The following ATG7 variants were observed in gnomAD, a reference collection of about 807,000 sequenced individuals.
ATG7 encodes autophagy related 7, also known as ubiquitin-like modifier-activating enzyme ATG7.
In ATG7, 70 loss-of-function variants were observed where a neutral mutation model predicts 82.4. The ratio of observed to expected loss-of-function variants is 0.85; its 90% CI spans 0.70 to 1.04. ATG7 has a LOEUF of 1.04. Among genes scored for constraint, ATG7 ranks in the 50% least tolerant of loss-of-function variants. The probability of loss-of-function intolerance (pLI) is 0.00; values close to 1 mark genes in which losing one functional copy is unlikely to be tolerated. For synonymous variants in ATG7, 287 were observed against 313.0 expected (o/e 0.92, Z 0.88); for missense variants, 792 against 864.3 (o/e 0.92, Z 1.05).
chr3:11,375,775 G>A (rs955130026), intron 18 of ATG7, among the ~76,000 whole-genome samples: 22 of 152,166 alleles, frequency 1.4e-4, no homozygotes, highest in African/African-American at 5.3e-4. Context: ...TGCCAGGCTG[G>A]TCTTGAATTC....
chr3:11,348,573 G>A (rs543234689), intron 14 of ATG7: 2 of 152,650 alleles, frequency 1.3e-5, no homozygotes, highest in South Asian at 2.1e-4. Context: ...ATGAAGCCAC[G>A]GACGTTCGCA....
chr3:11,297,893 C>T (rs1946201171), intron 3 of ATG7, among the ~76,000 whole-genome samples: 1 of 151,954 alleles, frequency 6.6e-6, no homozygotes, highest in African/African-American at 2.4e-5. Context: ...GTGTCTGTGT[C>T]GAAGAAGGAA....
At chr3:11,275,563 C>A (rs1941588554) in intron 1 of ATG7, among the ~76,000 whole-genome samples, 1 of 138,146 alleles carries the variant, frequency 7.2e-6, no homozygotes, top group South Asian at 2.3e-4. Flanking sequence ...TTTCACTGTG[C>A]TAGCCAGGAT....
Position 11,333,032 on chromosome 3 carries a change from G to C in ATG7, c.828G>C (p.Ala276=). 1.3e-6 allele frequency: 2 copies of C among 1,576,432 alleles called. No individual in the cohort carries two copies. The highest frequency in any genetic ancestry group is 8.6e-7 in the Non-Finnish European group (1 of 1,160,694). ...TCCGTGACCGTACCATGCAGGGGGC[G>C]AGAGACGTTGCCCACAGCATCATCT... is the stretch of plus-strand genomic sequence containing the variant. ...VCFRDRTMQG[A]RDVAHSIIFE... The change falls in exon 11 of 21, where the codon GCG becomes GCC. Residue 276 remains alanine (A), a synonymous_variant. Coordinates refer to ENST00000693202, the MANE Select transcript of ATG7 (RefSeq NM_001349232.2).
At chr3:11,570,360 C>T in the ATG7 span, among the ~76,000 whole-genome samples, 2 of 152,172 alleles carry the variant, frequency 1.3e-5, no homozygotes, top group Non-Finnish European at 2.9e-5. Flanking sequence ...AGGAGCAGTG[C>T]GGAGATGCCG....
chr3:11,568,990 A>C, the ATG7 span: 25 of 1,103,130 alleles, frequency 2.3e-5, no homozygotes, highest in African/African-American at 3.3e-5. This position sits in a 1 kb window ranked among gnomAD's most constrained non-coding sequence, Gnocchi z 5.9. Flanking sequence ...GGCCTACAAC[A>C]CCATCATCCA....
At chr3:11,426,013 A>G (rs774353779) in intron 19 of ATG7, among the ~76,000 whole-genome samples, 1 of 152,098 alleles carries the variant, frequency 6.6e-6, no homozygotes, top group Admixed American at 6.5e-5. Context: ...TGTTCATTCT[A>G]CTGTTGATGG....
intron 19 of ATG7, among the ~76,000 whole-genome samples, chr3:11,389,069 G>A (rs1436025226): frequency 2.0e-5 from 3 of 151,746 alleles, no homozygotes; most frequent in South Asian, 2.1e-4. Context: ...CCAACATGGC[G>A]AAACCCTGTC....
rs137999283 is a variant in ATG7 at position 11,544,328 on chromosome 3, T to C, written c.2080-10483T>C. On this transcript the variant is annotated intron_variant, in intron 20 of 20. Coordinates refer to ENST00000693202, the MANE Select transcript of ATG7 (RefSeq NM_001349232.2). ...GTATGGCTGCAAAAGCAGACCTGGG[T>C]CCAGCAAGGGAAATGGTTAACCCGT... Among the ~76,000 whole-genome samples the C allele has an allele frequency of 6.4e-4, 98 of 152,200 alleles. No homozygotes were observed. The East Asian group carries it at 0.017, about 26-fold the overall frequency.
At chr3:11,554,617 G>A (rs1375596124) in intron 20 of ATG7, among the ~76,000 whole-genome samples, 194 bp from the exon 21 acceptor site, 1 of 152,172 alleles carries the variant, frequency 6.6e-6, no homozygotes, top group Non-Finnish European at 1.5e-5. Flanking sequence ...CCACCAGGTG[G>A]TTCACACACT....
At chr3:11,508,891 C>G (rs573682243) in intron 20 of ATG7, among the ~76,000 whole-genome samples, 10 of 152,338 alleles carry the variant, frequency 6.6e-5, no homozygotes, top group African/African-American at 2.2e-4. Flanking sequence ...TCTGCACTTA[C>G]AAAACTAATA....
chr3:11,372,259 T>G (rs181124485), intron 18 of ATG7, among the ~76,000 whole-genome samples: 4 of 151,148 alleles, frequency 2.6e-5, no homozygotes, highest in African/African-American at 9.7e-5. Flanking sequence ...TTTTTAATAT[T>G]CAGGGAGTAG....
At chr3:11,485,661 T>C (rs1452715216) in intron 20 of ATG7, among the ~76,000 whole-genome samples, 3 of 152,224 alleles carry the variant, frequency 2.0e-5, no homozygotes. Context: ...CTTCTAGGGT[T>C]TTTATGGTTT....
At chr3:11,350,020 C>CA (rs1349205240) in intron 14 of ATG7, among the ~76,000 whole-genome samples, 1 of 152,046 alleles carries the variant, frequency 6.6e-6, no homozygotes, top group Non-Finnish European at 1.5e-5. Flanking sequence ...TAGGTGTCTC[C>CA]AGAGCATTTG....
the ATG7 span, among the ~76,000 whole-genome samples, chr3:11,573,190 C>A: frequency 2.7e-4 from 38 of 142,988 alleles, no homozygotes; most frequent in Non-Finnish European, 2.6e-4. Context: ...GACAGACAGA[C>A]AGAAAGAAAG....
At chr3:11,504,447 G>C (rs1466165427) in intron 20 of ATG7, among the ~76,000 whole-genome samples, 1 of 151,952 alleles carries the variant, frequency 6.6e-6, no homozygotes, top group African/African-American at 2.4e-5. Flanking sequence ...GAAAGAGATG[G>C]AATATAGGGA....
rs561002741 is a variant in ATG7, at chr3:11,283,647, C to T, written c.-11+1209C>T. Among the ~76,000 whole-genome samples, 14 of 152,180 alleles carry T rather than the reference C, an allele frequency of 9.2e-5. No individual in the cohort carries two copies. The South Asian group carries it at 1.7e-3, about 18-fold the overall frequency. ...CTTTCCCTGAACCATTAAAAACTCT[C>T]CTGCTTGTGGTGGACATGGTGGCTC... On this transcript the variant is annotated intron_variant, in intron 3 of 20. Coordinates refer to ENST00000693202, the MANE Select transcript of ATG7 (RefSeq NM_001349232.2).
chr3:11,489,926 TGTG>T (rs1173670838), intron 20 of ATG7, among the ~76,000 whole-genome samples: 2 of 151,824 alleles, frequency 1.3e-5, no homozygotes, highest in African/African-American at 4.8e-5. Context: ...ATAGGTGTGG[TGTG>T]GTGCTGAAAA....
chr3:11,274,632 G>A (rs1941305255), intron 1 of ATG7, among the ~76,000 whole-genome samples: 1 of 152,140 alleles, frequency 6.6e-6, no homozygotes, highest in Non-Finnish European at 1.5e-5. Flanking sequence ...ACAATAGCAT[G>A]TTACCCGCAC....
Sources: gnomAD v4.1 joint callset for allele counts (sites outside exome capture counted in the v4.1 genomes callset) on GRCh38, gnomAD v4.1.1 for gene constraint, Gnocchi (gnomAD v3.1) non-coding constraint, MANE v1.5 for transcripts, NCBI Gene and HGNC (gene_info 2026-07-23, HGNC 2026-07-21) for gene names.